KLHL20: variants seen among roughly 807,000 people sequenced by gnomAD.
KLHL20 encodes the protein kelch like family member 20, also known as kelch-like protein 20.
A neutral mutation model predicts 69.5 loss-of-function variants in KLHL20; 29 were observed. The observed-to-expected ratio is 0.42, with a 90% CI of 0.31 to 0.57. The LOEUF (loss-of-function observed/expected upper bound fraction) is 0.57. KLHL20 is among the 20% of genes least tolerant of loss of function. The pLI is 0.18. For synonymous variants in KLHL20, 253 were observed against 265.2 expected (o/e 0.95, Z 0.45); for missense variants, 419 against 776.0 (o/e 0.54, Z 5.47).
Position 173,786,101 on chromosome 1 carries a change from A to G in KLHL20, c.*854A>G, listed in dbSNP as rs1649189399. On this transcript the variant is annotated 3_prime_UTR_variant, in exon 12 of 12. Transcript: ENST00000209884. ...CCTTCCTGTTTCCTTATTGCTACCA[A>G]GGACCAGCAGGGAGAAATGTCTTCT... is the stretch of plus-strand genomic sequence containing the variant. The G allele has an allele frequency of 6.6e-6, 1 of 152,416 alleles. No homozygotes were observed. The highest frequency in any genetic ancestry group is 1.5e-5 in the Non-Finnish European group (1 of 68,042). The allele number at this position is 152,416 out of a possible 1,614,324, so 9.4% of individuals were successfully genotyped here.
chr1:173,747,990 T>G (rs1198826135), intron 3 of KLHL20, among the ~76,000 whole-genome samples: 1 of 151,020 alleles, frequency 6.6e-6, no homozygotes, highest in Non-Finnish European at 1.5e-5. Context: ...AGAGAAGATA[T>G]CACTACAAAT....
intron 7 of KLHL20, among the ~76,000 whole-genome samples, chr1:173,761,139 AG>A (rs1571910406): frequency 6.6e-6 from 1 of 152,344 alleles, no homozygotes; most frequent in East Asian, 1.9e-4. Context: ...AGAGACAAAG[AG>A]GGACAGTATA....
At chr1:173,749,152 A>T (rs1673199195) in intron 3 of KLHL20, among the ~76,000 whole-genome samples, 1 of 152,188 alleles carries the variant, frequency 6.6e-6, no homozygotes. Flanking sequence ...TTTTGAACTT[A>T]ATCAAATCTG....
At chr1:173,780,283 G>A (rs1317930634) in intron 10 of KLHL20, among the ~76,000 whole-genome samples, 1 of 152,186 alleles carries the variant, frequency 6.6e-6, no homozygotes, top group Non-Finnish European at 1.5e-5. Context: ...TCCCAATTTA[G>A]TGAAGGAAAT....
intron 3 of KLHL20, among the ~76,000 whole-genome samples, chr1:173,745,195 G>A (rs1250828135): frequency 7.0e-5 from 9 of 128,442 alleles, no homozygotes; most frequent in Non-Finnish European, 9.6e-5. Flanking sequence ...TTTTTGAGAC[G>A]GAGTCTGGCT....
chr1:173,717,804 A>G (rs1488028297), intron 2 of KLHL20, among the ~76,000 whole-genome samples: 5 of 152,230 alleles, frequency 3.3e-5, no homozygotes, highest in Non-Finnish European at 7.3e-5. Context: ...ATCTATGAAC[A>G]AGACTGAAAA....
intron 3 of KLHL20, among the ~76,000 whole-genome samples, chr1:173,738,992 G>A (rs1052247522): frequency 6.6e-6 from 1 of 152,086 alleles, no homozygotes; most frequent in African/African-American, 2.4e-5. Context: ...TGGTATTAGG[G>A]TGATACTGGC....
intron 7 of KLHL20, among the ~76,000 whole-genome samples, chr1:173,761,892 T>C (rs1647330349): frequency 6.6e-6 from 1 of 151,630 alleles, no homozygotes; most frequent in South Asian, 2.1e-4. Flanking sequence ...AAAATGAAAT[T>C]GAAACAAACA....
intron 3 of KLHL20, among the ~76,000 whole-genome samples, chr1:173,739,979 CTTCT>C: frequency 6.6e-6 from 1 of 151,876 alleles, no homozygotes; most frequent in Non-Finnish European, 1.5e-5. Context: ...GATCTTCTCT[CTTCT>C]TTTCTTGGTT....
chr1:173,745,418 C>T (rs1210607340), intron 3 of KLHL20, among the ~76,000 whole-genome samples: 2 of 151,988 alleles, frequency 1.3e-5, no homozygotes, highest in Non-Finnish European at 1.5e-5. Context: ...CCTCCTTGGC[C>T]TCCCAAAGTG....
chr1:173,715,480 A>G (rs1671426812), intron 1 of KLHL20: 1 of 152,362 alleles, frequency 6.6e-6, no homozygotes, highest in African/African-American at 2.4e-5. Context: ...AATGCTTGTA[A>G]AGAGTGTTAG....
rs1013100899 is a variant in KLHL20, at chr1:173,773,428, ATATT to A, written c.1296-876_1296-873del. Among the ~76,000 whole-genome samples, 48 of 149,838 alleles carry A rather than the reference ATATT, an allele frequency of 3.2e-4. No homozygotes were observed. In the East Asian group the frequency reaches 5.8e-3, roughly 18 times the overall value. The stretch of plus-strand genomic sequence containing the variant: ...AAGACCCCTATTTTTAAATAAATAA[ATATT>A]AATTAAATAAATAAATATTAATTAA... On this transcript the variant is annotated intron_variant, in intron 8 of 11. Coordinates refer to ENST00000209884, the MANE Select transcript of KLHL20 (RefSeq NM_014458.4).
intron 10 of KLHL20, among the ~76,000 whole-genome samples, chr1:173,777,781 ATCTT>A (rs1417984503): frequency 6.6e-6 from 1 of 152,182 alleles, no homozygotes; most frequent in Non-Finnish European, 1.5e-5. Context: ...ATGATGAATT[ATCTT>A]TCTAATGTGT....
chr1:173,765,534 T>C (rs991185033), intron 7 of KLHL20, among the ~76,000 whole-genome samples: 2 of 152,128 alleles, frequency 1.3e-5, no homozygotes, highest in Non-Finnish European at 2.9e-5. Flanking sequence ...TACTGTTTGC[T>C]ACAGTAATTC....
At chr1:173,769,106 A>G (rs1647919490) in intron 8 of KLHL20, among the ~76,000 whole-genome samples, 1 of 152,214 alleles carries the variant, frequency 6.6e-6, no homozygotes, top group Non-Finnish European at 1.5e-5. Context: ...CCTCAACACT[A>G]CTGGCGTTTT....
intron 3 of KLHL20, among the ~76,000 whole-genome samples, chr1:173,734,866 G>T (rs1672452585): frequency 6.6e-6 from 1 of 152,156 alleles, no homozygotes; most frequent in Non-Finnish European, 1.5e-5. Flanking sequence ...TTATAATCTA[G>T]CAGGGAAGAT....
At chr1:173,777,431 G>A (rs542872026) in intron 10 of KLHL20, among the ~76,000 whole-genome samples, 1 of 152,162 alleles carries the variant, frequency 6.6e-6, no homozygotes, top group South Asian at 2.1e-4. Context: ...GCTCTACCTA[G>A]GACTTCCAGT....
At chr1:173,734,631 CTGAT>C (rs1672441144) in intron 3 of KLHL20, 1 of 234,904 alleles carries the variant, frequency 4.3e-6, no homozygotes, top group African/African-American at 2.3e-5. Flanking sequence ...TATTTCCTTC[CTGAT>C]TATGTGGATT....
intron 10 of KLHL20, 134 bp from the exon 11 acceptor site, chr1:173,781,990 C>T: frequency 1.2e-5 from 7 of 579,572 alleles, no homozygotes; most frequent in South Asian, 5.0e-5. Flanking sequence ...TTACATTTTC[C>T]CTGTGTTTCA....
Sources: gnomAD v4.1 joint callset for allele counts (sites outside exome capture counted in the v4.1 genomes callset) on GRCh38, gnomAD v4.1.1 for gene constraint, MANE v1.5 for transcripts, NCBI Gene and HGNC (gene_info 2026-07-23, HGNC 2026-07-21) for gene names.